UMAD1: variants seen among roughly 807,000 people sequenced by gnomAD.
UMAD1 encodes the protein UBAP1-MVB12-associated (UMA) domain containing 1, also known as UBAP1-MVB12-associated (UMA)-domain containing protein 1.
In UMAD1, 8 loss-of-function variants were observed where a neutral mutation model predicts 6.1. The ratio of observed to expected loss-of-function variants is 1.30; its 90% CI spans 0.76 to 2.35. The LOEUF is 2.35. Among genes scored for constraint, UMAD1 ranks in the 30% most tolerant of loss-of-function variants. The pLI, the probability that UMAD1 is intolerant of heterozygous loss-of-function variation, is 0.00. For missense variants in UMAD1, 130 were observed against 78.4 expected (o/e 1.66, Z -2.49); for synonymous variants, 56 against 31.4 (o/e 1.78, Z -2.61).
At chr7:7,867,974 C>T (rs1784263789) in intron 3 of UMAD1, among the ~76,000 whole-genome samples, 1 of 151,830 alleles carries the variant, frequency 6.6e-6, no homozygotes, top group Admixed American at 6.6e-5. Context: ...TAGAGGAGAT[C>T]CTCACTCGGT....
At chr7:7,876,149 T>G (rs1784415057) in intron 3 of UMAD1, among the ~76,000 whole-genome samples, 1 of 152,140 alleles carries the variant, frequency 6.6e-6, no homozygotes, top group Non-Finnish European at 1.5e-5. Context: ...TGGAAGGAGA[T>G]AAGGGAAGTA....
At chr7:7,777,439 G>C (rs999398012) in intron 2 of UMAD1, among the ~76,000 whole-genome samples, 1 of 150,232 alleles carries the variant, frequency 6.7e-6, no homozygotes, top group Non-Finnish European at 1.5e-5. Context: ...CCGGGAGGTG[G>C]TGGTTGCAGT....
intron 1 of UMAD1, among the ~76,000 whole-genome samples, chr7:7,642,082 TG>T: frequency 6.6e-6 from 1 of 152,374 alleles, no homozygotes; most frequent in African/African-American, 2.4e-5. Context: ...AGCATTGTTT[TG>T]CAAAGCAAGT....
chr7:7,740,672 C>T (rs1031371431), intron 2 of UMAD1: 3 of 152,230 alleles, frequency 2.0e-5, no homozygotes, highest in African/African-American at 7.2e-5. Flanking sequence ...TCATAACCCT[C>T]GGTTGTAATT....
intron 2 of UMAD1, among the ~76,000 whole-genome samples, chr7:7,680,391 C>T (rs1398690522): frequency 1.3e-5 from 2 of 152,000 alleles, no homozygotes; most frequent in Non-Finnish European, 2.9e-5. Context: ...TGGTTCCATT[C>T]GTCCATGTGT....
At chr7:7,797,432 G>T (rs1043615717) in intron 2 of UMAD1, among the ~76,000 whole-genome samples, 1 of 152,120 alleles carries the variant, frequency 6.6e-6, no homozygotes, top group African/African-American at 2.4e-5. Flanking sequence ...ACATTAAGGA[G>T]TGGGAACCAA....
At chr7:7,665,318 G>T (rs1051823390) in intron 1 of UMAD1, among the ~76,000 whole-genome samples, 1 of 152,098 alleles carries the variant, frequency 6.6e-6, no homozygotes, top group Non-Finnish European at 1.5e-5. Context: ...CCTTTTATAC[G>T]CAGTCTGTGT....
intron 2 of UMAD1, among the ~76,000 whole-genome samples, chr7:7,723,818 A>G (rs1781091938): frequency 1.3e-5 from 2 of 152,212 alleles, no homozygotes; most frequent in Non-Finnish European, 2.9e-5. Context: ...CAAAGCAACA[A>G]TCAGAATAGT....
At chr7:7,777,479 C>G (rs1291037458) in intron 2 of UMAD1, among the ~76,000 whole-genome samples, 1 of 139,570 alleles carries the variant, frequency 7.2e-6, no homozygotes, top group Non-Finnish European at 1.5e-5. Context: ...GCACTCCAGC[C>G]TGGGAGACAG....
chr7:7,708,770 C>G (rs1288727479), intron 2 of UMAD1, among the ~76,000 whole-genome samples: 2 of 152,094 alleles, frequency 1.3e-5, no homozygotes, highest in Non-Finnish European at 1.5e-5. Context: ...AGCTTTTCAA[C>G]AGATAGAATG....
Position 7,850,347 on chromosome 7 carries a change from C to T in UMAD1, c.157-26934C>T, listed in dbSNP as rs1441019089. Among the ~76,000 whole-genome samples, 14 of 152,008 alleles carry T rather than the reference C, an allele frequency of 9.2e-5. No individual in the cohort carries two copies. In the East Asian group the frequency reaches 1.7e-3, roughly 19 times the overall value. On this transcript the variant is annotated intron_variant, in intron 3 of 3. Coordinates refer to ENST00000682710, the MANE Select transcript of UMAD1 (RefSeq NM_001302348.2). ...ATTGAGATCCCACAGCAATTTGATA[C>T]ATTACATCATCCATTTAAAAAATAC...
At chr7:7,658,152 A>G (rs1353735348) in intron 1 of UMAD1, among the ~76,000 whole-genome samples, 2 of 152,206 alleles carry the variant, frequency 1.3e-5, no homozygotes, top group Non-Finnish European at 2.9e-5. Flanking sequence ...ATTTTTGCAC[A>G]TTGATTTTGT....
At chr7:7,857,297 T>C (rs994800242) in intron 3 of UMAD1, among the ~76,000 whole-genome samples, 2 of 152,252 alleles carry the variant, frequency 1.3e-5, no homozygotes, top group African/African-American at 4.8e-5. Context: ...TTCTCTTTTC[T>C]AGCCTCTGAT....
At chr7:7,746,222 A>G (rs1781572083) in intron 2 of UMAD1, among the ~76,000 whole-genome samples, 1 of 152,194 alleles carries the variant, frequency 6.6e-6, no homozygotes, top group Admixed American at 6.5e-5. Context: ...AAACATGGTA[A>G]AAGCACAGTG....
rs766644906 is a variant in UMAD1, at chr7:7,717,060, C to CTTTTT, written c.82+43617_82+43621dup. ...TTCCTTTTTCTTTCTTTCTTTTTTT[C>CTTTTT]TTTTTTTTTTTTTTGAGACGGAGTC... On this transcript the variant is annotated intron_variant, in intron 2 of 3. Coordinates refer to ENST00000682710, the MANE Select transcript of UMAD1 (RefSeq NM_001302348.2). Among the ~76,000 whole-genome samples, 1,213 of 141,596 alleles carry CTTTTT rather than the reference C, an allele frequency of 8.6e-3. 29 individuals carry two copies. Among genetic ancestry groups the CTTTTT allele is most frequent in the African/African-American group, 0.03 (1,154 of 37,896 alleles). 92.9% of individuals were successfully genotyped at this position (141,596 alleles called of 152,430 possible).
intron 2 of UMAD1, among the ~76,000 whole-genome samples, chr7:7,773,934 C>T (rs149389481): frequency 1.3e-5 from 2 of 152,156 alleles, no homozygotes; most frequent in African/African-American, 4.8e-5. Context: ...TAGAGAAGAA[C>T]CCTGGCTGCT....
At chr7:7,707,496 C>T (rs747763603) in intron 2 of UMAD1, among the ~76,000 whole-genome samples, 2 of 152,100 alleles carry the variant, frequency 1.3e-5, no homozygotes, top group Non-Finnish European at 2.9e-5. Flanking sequence ...GCCATATGCT[C>T]TCAAATTGCT....
At chr7:7,846,224 A>G (rs1783779743) in intron 3 of UMAD1, among the ~76,000 whole-genome samples, 1 of 152,232 alleles carries the variant, frequency 6.6e-6, no homozygotes, top group Non-Finnish European at 1.5e-5. Context: ...TAAAGAATAT[A>G]TAGCATGATA....
Position 7,734,092 on chromosome 7 carries a change from T to A in UMAD1, c.82+60639T>A, listed in dbSNP as rs568292952. On this transcript the variant is annotated intron_variant, in intron 2 of 3. Transcript: ENST00000682710. The stretch of plus-strand genomic sequence containing the variant: ...CAACCCTTTTTTTAAACTTTTGATG[T>A]TTTTGATCAATGTCATTATTATCAA... Among the ~76,000 whole-genome samples the A allele has an allele frequency of 7.2e-5, 11 of 152,254 alleles. No homozygotes were observed. The South Asian group carries it at 2.3e-3, about 32-fold the overall frequency.
Sources: allele counts gnomAD v4.1 joint callset (sites outside exome capture counted in the v4.1 genomes callset), GRCh38; gene constraint gnomAD v4.1.1; transcripts MANE v1.5; gene names NCBI Gene and HGNC (gene_info 2026-07-23, HGNC 2026-07-21).